The following LCMT1 variants were observed in gnomAD, a reference collection of about 807,000 sequenced individuals.
LCMT1 encodes [Phosphatase 2A protein]-leucine-carboxy methyltransferase 1.
A neutral mutation model predicts 47.7 loss-of-function variants in LCMT1; 32 were observed. The observed-to-expected ratio is 0.67, with a 90% CI of 0.51 to 0.90. The LOEUF (loss-of-function observed/expected upper bound fraction) is 0.90, where lower values mean the gene tolerates loss of function less well. Among genes scored for constraint, LCMT1 ranks in the 40% least tolerant of loss-of-function variants. The pLI, the probability that LCMT1 is intolerant of heterozygous loss-of-function variation, is 0.00. For missense variants in LCMT1, 375 were observed against 415.2 expected (o/e 0.90, Z 0.84); for synonymous variants, 152 against 149.7 (o/e 1.02, Z -0.11).
intron 5 of LCMT1, among the ~76,000 whole-genome samples, chr16:25,159,494 T>C (rs995355749): frequency 2.0e-5 from 3 of 152,298 alleles, no homozygotes; most frequent in African/African-American, 7.2e-5. Flanking sequence ...CTTGAACTCC[T>C]CATTCAAGCC....
intron 4 of LCMT1, chr16:25,144,854 A>T (rs1285959096): frequency 6.6e-6 from 1 of 152,056 alleles, no homozygotes; most frequent in Admixed American, 6.6e-5. Flanking sequence ...TTGAGTTAAG[A>T]CTCCCAAAGC....
Position 25,128,506 on chromosome 16 carries a change from C to A in LCMT1, c.145C>A (p.Pro49Thr). 1.2e-6 allele frequency: 2 copies of A among 1,610,852 alleles called. No individual in the cohort carries two copies. The highest frequency in any genetic ancestry group is 8.5e-7 in the Non-Finnish European group (1 of 1,178,612). ...AGTAAGCATTGGCTACTGGCATGAC[C>A]CTTACATACAGCACTTTGTGAGACT... ...FAVSIGYWHD[P>T]YIQHFVRLSK... is the part of the protein sequence containing the mutation. The change falls in exon 2 of 11, where the codon CCT becomes ACT. Residue 49 changes from proline to threonine, a missense_variant. Pro to Thr is a conservative substitution (Grantham distance 38). Transcript: ENST00000399069.
intron 8 of LCMT1, 114 bp downstream of exon 8, chr16:25,169,327 CA>C: frequency 1.4e-5 from 10 of 696,946 alleles, no homozygotes; most frequent in Non-Finnish European, 2.5e-5. Context: ...CTGTCAGCAG[CA>C]CAGGCTGCTG....
chr16:25,161,260 G>A, intron 6 of LCMT1, 56 bp downstream of exon 6: 1 of 914,278 alleles, frequency 1.1e-6, no homozygotes, highest in South Asian at 1.5e-5. Flanking sequence ...CTAATTATGA[G>A]ATAAGGCCAG....
chr16:25,177,865 T>A, intron 10 of LCMT1, 136 bp from the exon 11 acceptor site: 1 of 750,858 alleles, frequency 1.3e-6, no homozygotes, highest in South Asian at 1.6e-5. Flanking sequence ...AACCTCATTT[T>A]ATGTAGCAGG....
chr16:25,146,991 CT>C (rs1376747475), intron 4 of LCMT1: 2 of 152,202 alleles, frequency 1.3e-5, no homozygotes, highest in African/African-American at 4.8e-5. Context: ...GCATCTCCCC[CT>C]AAACAGATGA....
intron 5 of LCMT1, chr16:25,160,815 A>C (rs1457024555): frequency 3.5e-6 from 2 of 578,924 alleles, no homozygotes; most frequent in African/African-American, 3.7e-5. Context: ...TCTTTTCTCT[A>C]TTCAGGATGT....
chr16:25,164,943 T>A (rs1303107076), intron 7 of LCMT1, among the ~76,000 whole-genome samples: 1 of 152,228 alleles, frequency 6.6e-6, no homozygotes, highest in Non-Finnish European at 1.5e-5. Flanking sequence ...ACAAAAGATT[T>A]TCAAGTTCTT....
chr16:25,111,950 G>T lies in LCMT1; in HGVS notation c.67G>T (p.Asp23Tyr), dbSNP rs370007375. The T allele has an allele frequency of 6.8e-6, 11 of 1,613,524 alleles. No homozygotes were observed. The highest frequency in any genetic ancestry group is 9.3e-6 in the Non-Finnish European group (11 of 1,179,774). The change falls in exon 1 of 11, where the codon GAC (aspartate) becomes TAC (tyrosine). Residue 23 changes from aspartate to tyrosine, a missense_variant. Physicochemically the swap from Asp to Tyr is radical, Grantham distance 160. Coordinates refer to ENST00000399069, the MANE Select transcript of LCMT1 (RefSeq NM_016309.3). ...TTCCACCTCGAGCTGCGACGCAGAC[G>T]ACGAGGGCGTGCGCGGCACCTGCGA... ...CCSTSSCDAD[D>Y]EGVRGTCEDA... is the part of the protein sequence containing the mutation.
intron 7 of LCMT1, among the ~76,000 whole-genome samples, chr16:25,167,984 T>A (rs897067559): frequency 3.9e-5 from 6 of 152,054 alleles, no homozygotes; most frequent in African/African-American, 1.5e-4. Context: ...CTCAAACTCC[T>A]GACCTCAAGT....
intron 1 of LCMT1, chr16:25,126,014 T>C (rs1960167097): frequency 7.4e-7 from 1 of 1,350,450 alleles, no homozygotes; most frequent in Admixed American, 1.9e-5. Flanking sequence ...TGCCCAACAC[T>C]GGGTGGCAAA....
At chr16:25,133,385 GTTTTTTTTTTTTTTTT>G (rs1177872054) in intron 3 of LCMT1, among the ~76,000 whole-genome samples, 3 of 52,586 alleles carry the variant, frequency 5.7e-5, no homozygotes, top group African/African-American at 7.2e-5. Flanking sequence ...CTGGGCTTAG[GTTTTTTTTTTTTTTTT>G]TTTTTTTTTT....
rs200162920 is a variant in LCMT1, at chr16:25,119,898, T to TG, written c.113+7903dup. ...CTATCAGGCCAGGCACGGTGGCTCA[T>TG]GCCTGTAATCCCAGCACTTTGGGAG... On this transcript the variant is annotated intron_variant, in intron 1 of 10. Coordinates refer to ENST00000399069, the MANE Select transcript of LCMT1 (RefSeq NM_016309.3). Among the ~76,000 whole-genome samples the TG allele has an allele frequency of 4.1e-3, 622 of 152,178 alleles. 2 individuals are homozygous for TG. Among genetic ancestry groups the TG allele is most frequent in the African/African-American group, 0.014 (568 of 41,550 alleles).
chr16:25,178,105 C>T lies in LCMT1; in HGVS notation c.*82C>T, dbSNP rs748237062. ...ACCTGCAAGCTCCCTGAGCGGTGGG[C>T]GGGCCTCGTCCGCAGGTCTCATCCC... is the stretch of plus-strand genomic sequence containing the variant. On this transcript the variant is annotated 3_prime_UTR_variant, in exon 11 of 11. Coordinates refer to ENST00000399069, the MANE Select transcript of LCMT1 (RefSeq NM_016309.3). 1.1e-5 allele frequency: 15 copies of T among 1,359,326 alleles called. No homozygotes were observed. The East Asian group carries it at 1.4e-4, about 13-fold the overall frequency. The allele number at this position is 1,359,326 out of a possible 1,614,324, so 84.2% of individuals were successfully genotyped here.
chr16:25,125,946 C>G (rs1210604260), intron 1 of LCMT1: 2 of 1,166,518 alleles, frequency 1.7e-6, no homozygotes, highest in African/African-American at 3.2e-5. Context: ...CTAAAACTTG[C>G]TGCTTGTCTC....
chr16:25,119,474 A>G (rs1336175288), intron 1 of LCMT1, among the ~76,000 whole-genome samples: 3 of 152,036 alleles, frequency 2.0e-5, no homozygotes, highest in Non-Finnish European at 4.4e-5. Context: ...CTGAGCGCAC[A>G]TGTTCAAGAT....
At chr16:25,146,817 G>T (rs1224428875) in intron 4 of LCMT1, 1 of 152,214 alleles carries the variant, frequency 6.6e-6, no homozygotes, top group African/African-American at 2.4e-5. Context: ...AGACTACTGG[G>T]ATCTCCTTCT....
At chr16:25,125,605 C>T (rs1231966459) in intron 1 of LCMT1, among the ~76,000 whole-genome samples, 8 of 151,930 alleles carry the variant, frequency 5.3e-5, no homozygotes, top group African/African-American at 1.5e-4. Context: ...GAGGCTGAGG[C>T]GGGCGGATCA....
At chr16:25,150,875 A>G (rs960169616) in intron 4 of LCMT1, among the ~76,000 whole-genome samples, 5 of 152,122 alleles carry the variant, frequency 3.3e-5, no homozygotes, top group African/African-American at 1.2e-4. Flanking sequence ...TTTTATATTA[A>G]ATATGCTTTT....
Sources: gnomAD v4.1 joint callset for allele counts (sites outside exome capture counted in the v4.1 genomes callset) on GRCh38, gnomAD v4.1.1 for gene constraint, MANE v1.5 for transcripts, NCBI Gene and HGNC (gene_info 2026-07-23, HGNC 2026-07-21) for gene names.